Variants in VWA8 observed in about 807,000 individuals in gnomAD.
The protein encoded by VWA8 is von Willebrand factor A domain-containing protein 8.
VWA8 carries 221 observed loss-of-function variants against 241.5 expected under a neutral mutation model. That is an observed-to-expected ratio of 0.91 (90% CI 0.82 to 1.02). The LOEUF (loss-of-function observed/expected upper bound fraction) is 1.02. Among genes scored for constraint, VWA8 ranks in the 50% least tolerant of loss-of-function variants. VWA8 has a pLI of 0.00. For synonymous variants in VWA8, 852 were observed against 827.1 expected (o/e 1.03, Z -0.52); for missense variants, 2,322 against 2,328.7 (o/e 1.00, Z 0.06).
intron 4 of VWA8, among the ~76,000 whole-genome samples, chr13:41,895,831 C>CTTTTTTTTTTTTTTTT (rs59080554): frequency 1.5e-5 from 2 of 130,024 alleles, no homozygotes; most frequent in Non-Finnish European, 3.2e-5. Flanking sequence ...TGCAAATTTT[C>CTTTTTTTTTTTTTTTT]TTTTTTTTTT....
intron 21 of VWA8, among the ~76,000 whole-genome samples, chr13:41,749,419 A>G (rs565480779): frequency 1.3e-5 from 2 of 152,352 alleles, no homozygotes; most frequent in South Asian, 4.1e-4. Context: ...ACTGTAAACT[A>G]GTTCAACCAT....
intron 21 of VWA8, among the ~76,000 whole-genome samples, chr13:41,738,195 GAA>G (rs1050969042): frequency 1.3e-5 from 2 of 152,176 alleles, no homozygotes; most frequent in East Asian, 3.8e-4. Flanking sequence ...CAAAGCTGCT[GAA>G]AAGACTCTAT....
chr13:41,638,692 A>G (rs2044775146), intron 37 of VWA8, among the ~76,000 whole-genome samples: 1 of 152,194 alleles, frequency 6.6e-6, no homozygotes. Flanking sequence ...CTGTTGGAAT[A>G]AGAGGTGAGT....
intron 35 of VWA8, among the ~76,000 whole-genome samples, chr13:41,682,246 T>A (rs1056325910): frequency 3.3e-5 from 5 of 151,984 alleles, no homozygotes; most frequent in Non-Finnish European, 5.9e-5. Context: ...TCAGCAGAGG[T>A]CTAAAGGCAG....
chr13:41,634,825 T>C (rs1229925333), intron 37 of VWA8, among the ~76,000 whole-genome samples: 1 of 152,192 alleles, frequency 6.6e-6, no homozygotes. Context: ...AAATGGAAAG[T>C]TAGGTTTAAA....
chr13:41,714,767 C>T (rs991541285), intron 26 of VWA8, among the ~76,000 whole-genome samples: 1 of 151,918 alleles, frequency 6.6e-6, no homozygotes, highest in Non-Finnish European at 1.5e-5. Flanking sequence ...CGTGGTTACT[C>T]TTCACTTTGA....
At chr13:41,830,488 TAAC>T (rs766468304) in intron 14 of VWA8, 38 bp downstream of exon 14, 12 of 1,474,192 alleles carry the variant, frequency 8.1e-6, no homozygotes, top group South Asian at 5.8e-5. Flanking sequence ...ATTTTTAACT[TAAC>T]AATAAATTAG....
At chr13:41,784,666 C>T (rs1342257155) in intron 18 of VWA8, among the ~76,000 whole-genome samples, 2 of 117,994 alleles carry the variant, frequency 1.7e-5, no homozygotes, top group Admixed American at 9.1e-5. Flanking sequence ...TTGTCTCTCT[C>T]TCTCTCTCTC....
intron 12 of VWA8, among the ~76,000 whole-genome samples, chr13:41,863,458 C>T (rs866607823): frequency 0.075 from 8,639 of 115,294 alleles, 624 homozygotes; most frequent in Non-Finnish European, 0.099. Context: ...TATATATTCA[C>T]ACACACACAC....
intron 18 of VWA8, among the ~76,000 whole-genome samples, chr13:41,784,274 T>C (rs1323779328): frequency 6.6e-6 from 1 of 152,176 alleles, no homozygotes; most frequent in Non-Finnish European, 1.5e-5. Flanking sequence ...CCTTGAATAT[T>C]ATCTTTTAGT....
chr13:41,863,425 GTGTGTGTGTATATA>G (rs1405146423), intron 12 of VWA8, among the ~76,000 whole-genome samples: 5 of 67,246 alleles, frequency 7.4e-5, no homozygotes, highest in Non-Finnish European at 8.8e-5. Context: ...GTGTGTGTGT[GTGTGTGTGTATATA>G]TATATATATA....
rs963223302 is a variant in VWA8, at chr13:41,671,588, A to G, written c.4410-441T>C. Among the ~76,000 whole-genome samples the G allele has an allele frequency of 9.9e-5, 15 of 151,776 alleles. No homozygotes were observed. In the South Asian group the frequency reaches 1.7e-3, roughly 17 times the overall value. On this transcript the variant is annotated intron_variant, in intron 36 of 44. Coordinates refer to ENST00000379310, the MANE Select transcript of VWA8 (RefSeq NM_015058.2). The stretch of plus-strand genomic sequence containing the variant: ...TCATATGTTGAAGCCCTAACCCCCA[A>G]TATGATAGTATTAGGAGGTGGGTAC...
At chr13:41,617,710 A>G (rs1188739815) in intron 37 of VWA8, among the ~76,000 whole-genome samples, 1 of 151,864 alleles carries the variant, frequency 6.6e-6, no homozygotes, top group African/African-American at 2.4e-5. Flanking sequence ...TCATTGTTCA[A>G]TTCCTACCTA....
intron 20 of VWA8, among the ~76,000 whole-genome samples, chr13:41,764,913 G>T (rs1316791252): frequency 6.6e-6 from 1 of 152,018 alleles, no homozygotes; most frequent in Non-Finnish European, 1.5e-5. Context: ...GGAATGGTAC[G>T]GTGGAGTCTG....
At chr13:41,618,961 T>A (rs955306216) in intron 37 of VWA8, among the ~76,000 whole-genome samples, 1 of 152,240 alleles carries the variant, frequency 6.6e-6, no homozygotes, top group East Asian at 1.9e-4. Flanking sequence ...ATGTGGGCTC[T>A]TTTTTGTTTC....
chr13:41,893,549 G>GTATAAAGGA (rs1874952739), intron 4 of VWA8, among the ~76,000 whole-genome samples: 1 of 151,580 alleles, frequency 6.6e-6, no homozygotes, highest in African/African-American at 2.4e-5. Context: ...TTTGCTAGCT[G>GTATAAAGGA]TATAAAGGAC....
At chr13:41,856,510 T>C (rs1005607988) in intron 12 of VWA8, among the ~76,000 whole-genome samples, 1 of 152,130 alleles carries the variant, frequency 6.6e-6, no homozygotes, top group Non-Finnish European at 1.5e-5. Flanking sequence ...ATAACAGCCA[T>C]AGATGGTTTT....
At chr13:41,600,357 T>C (rs1442609811) in intron 40 of VWA8, among the ~76,000 whole-genome samples, 1 of 152,116 alleles carries the variant, frequency 6.6e-6, no homozygotes, top group Non-Finnish European at 1.5e-5. Context: ...TTGTCCTCTC[T>C]TGGACACTGA....
At chr13:41,614,810 C>T (rs971407789) in intron 38 of VWA8, among the ~76,000 whole-genome samples, 166 bp downstream of exon 38, 4 of 152,126 alleles carry the variant, frequency 2.6e-5, no homozygotes, top group African/African-American at 7.2e-5. Flanking sequence ...TCTTCACATG[C>T]CTTGATGTCA....
Sources: allele counts gnomAD v4.1 joint callset (sites outside exome capture counted in the v4.1 genomes callset), GRCh38; gene constraint gnomAD v4.1.1; transcripts MANE v1.5; gene names NCBI Gene and HGNC (gene_info 2026-07-23, HGNC 2026-07-21).